Variants in PRRC2C observed in about 807,000 individuals in gnomAD.
PRRC2C encodes the protein protein PRRC2C.
In PRRC2C, 72 loss-of-function variants were observed where a neutral mutation model predicts 317.2. The ratio of observed to expected loss-of-function variants is 0.23; its 90% CI spans 0.19 to 0.28. The LOEUF (loss-of-function observed/expected upper bound fraction) is 0.28. Among genes scored for constraint, PRRC2C ranks in the 10% least tolerant of loss-of-function variants. PRRC2C has a pLI of 1.00. For missense variants in PRRC2C, 3,074 were observed against 3,459.7 expected (o/e 0.89, Z 2.80); for synonymous variants, 1,296 against 1,205.9 (o/e 1.07, Z -1.55).
intron 10 of PRRC2C, 86 bp downstream of exon 10, chr1:171,525,051 C>A: frequency 8.8e-7 from 1 of 1,131,516 alleles, no homozygotes; most frequent in African/African-American, 1.6e-5. Flanking sequence ...TTATTCTTAC[C>A]ACAGAGTGGA....
chr1:171,522,491 C>CGG (rs1348313818), intron 7 of PRRC2C: 1 of 256,692 alleles, frequency 3.9e-6, no homozygotes, highest in Non-Finnish European at 7.3e-6. Context: ...AAAACCAGGC[C>CGG]GGGGACGGTG....
At chr1:171,553,269 GTGA>G (rs1557986787) in intron 18 of PRRC2C, among the ~76,000 whole-genome samples, 13,310 of 151,680 alleles carry the variant, frequency 0.088, 1,888 homozygotes, top group African/African-American at 0.3. Flanking sequence ...GTAGTATTCT[GTGA>G]TGGTAGTTTG....
At position 171,541,822 on chromosome 1, in the gene PRRC2C, T is replaced by C; in HGVS notation, c.4356T>C (p.Asn1452=). The C allele has an allele frequency of 1.2e-6, 2 of 1,613,610 alleles. No individual in the cohort carries two copies. The highest frequency in any genetic ancestry group is 2.2e-5 in the East Asian group (1 of 44,880). The change falls in exon 16 of 35, where the codon AAT becomes AAC. Residue 1452 remains asparagine, a synonymous_variant. Transcript: ENST00000647382. The surrounding 1 kb of genome is among the most constrained non-coding windows in gnomAD (Gnocchi z 4.1). ...AGAGGGAGGCTGCTTCAAAATCAAA[T>C]GAGGTGGTAGCAGTGCCCACAAATG... ...LREREAASKS[N]EVVAVPTNGT...
At chr1:171,558,895 T>G (rs919588139) in intron 19 of PRRC2C, among the ~76,000 whole-genome samples, 1 of 152,216 alleles carries the variant, frequency 6.6e-6, no homozygotes, top group Non-Finnish European at 1.5e-5. Context: ...AAAAGTTAAG[T>G]GCTACTTCAG....
Position 171,541,787 on chromosome 1 carries a change from C to A in PRRC2C, c.4321C>A (p.Arg1441=). The change falls in exon 16 of 35, where the codon CGG becomes AGG. Residue 1441 remains arginine, a synonymous_variant. Coordinates refer to ENST00000647382, the MANE Select transcript of PRRC2C (RefSeq NM_001387844.1). This position sits in a 1 kb window ranked among gnomAD's most constrained non-coding sequence, Gnocchi z 4.1. ...GCAAGACAAGCCACCTCGATTTAGACGGCTAAGAGAGAGGGAGGCTGCTTC... is the reference window on the plus strand; with the variant it reads ...GCAAGACAAGCCACCTCGATTTAGAAGGCTAAGAGAGAGGGAGGCTGCTTC... The part of the protein sequence containing the change: ...PRQDKPPRFR[R]LREREAASKS... The A allele has an allele frequency of 6.2e-7, 1 of 1,613,936 alleles. No homozygotes were observed. Among genetic ancestry groups the A allele is most frequent in the African/African-American group, 1.3e-5 (1 of 75,048 alleles).
rs1183859810 is a variant in PRRC2C at position 171,532,583 on chromosome 1, AAAC to A, written c.1499_1501del (p.Gln500del). 6.4e-7 allele frequency: 1 copy of A among 1,563,198 alleles called. No homozygotes were observed. ...GGATGAGAAGCTTGGCATCCTGGAA[AAAC>A]AACCATCTCCAGAGGAAATTAGGGA... On this transcript the variant is annotated inframe_deletion, in exon 12 of 35. Coordinates refer to ENST00000647382, the MANE Select transcript of PRRC2C (RefSeq NM_001387844.1).
In PRRC2C at chr1:171,527,796, T is replaced by C; in HGVS notation, c.1206T>C (p.Arg402=). The change falls in exon 11 of 35, where the codon CGT becomes CGC. Residue 402 remains arginine, a synonymous_variant. Transcript: ENST00000647382. ...TTCTTTCTTCTTTATAATAGGAACGTGGAACATCTTCACATCTGCCACCAC... is the reference window on the plus strand; with the variant it reads ...TTCTTTCTTCTTTATAATAGGAACGCGGAACATCTTCACATCTGCCACCAC... ...YGKGPSFNQE[R]GTSSHLPPPP... is the part of the protein sequence containing the mutation. 15 of 1,576,048 alleles carry C rather than the reference T, an allele frequency of 9.5e-6. No homozygotes were observed. Among genetic ancestry groups the C allele is most frequent in the Non-Finnish European group, 1.3e-5 (15 of 1,158,896 alleles).
chr1:171,578,797 T>C (rs965746863), intron 26 of PRRC2C, among the ~76,000 whole-genome samples: 2 of 151,530 alleles, frequency 1.3e-5, no homozygotes, highest in Admixed American at 6.6e-5. Context: ...GAGGTGGAGG[T>C]TGCAGTGAGC....
intron 18 of PRRC2C, among the ~76,000 whole-genome samples, chr1:171,555,299 G>A (rs944413227): frequency 6.6e-6 from 1 of 152,148 alleles, no homozygotes; most frequent in South Asian, 2.1e-4. Context: ...TCGTGCCATG[G>A]TTTTCAGCTC....
At chr1:171,506,506 G>C (rs1182060189) in intron 1 of PRRC2C, among the ~76,000 whole-genome samples, 1 of 151,266 alleles carries the variant, frequency 6.6e-6, no homozygotes, top group Non-Finnish European at 1.5e-5. Flanking sequence ...TACCATTTTG[G>C]CCATTGTTTT....
Position 171,566,593 on chromosome 1 carries a change from T to C in PRRC2C, c.6308T>C (p.Leu2103Pro). Reference protein sequence around the residue: ...PRAGPIKAQKLPDLSPVENKE... With the variant: ...PRAGPIKAQKPPDLSPVENKE... ...TTTATCATAAACATTTGACTTTAGC[T>C]TCCAGATTTGAGTCCAGTAGAAAAC... is the stretch of plus-strand genomic sequence containing the variant. The change falls in exon 22 of 35, where the codon CTT becomes CCT. Residue 2103 changes from leucine to proline, a missense_variant and splice_region_variant. Leu to Pro is a moderately conservative substitution (Grantham distance 98, BLOSUM62 -3). Around this residue, in one of 11 missense-constraint regions of PRRC2C, gnomAD observed 640 missense variants for 676.1 expected, o/e 0.95. Transcript: ENST00000647382. The C allele has an allele frequency of 6.4e-7, 1 of 1,570,126 alleles. No homozygotes were observed. Among genetic ancestry groups the C allele is most frequent in the Non-Finnish European group, 8.6e-7 (1 of 1,160,308 alleles).
intron 1 of PRRC2C, among the ~76,000 whole-genome samples, chr1:171,491,499 A>G (rs1667139297): frequency 6.6e-6 from 1 of 152,200 alleles, no homozygotes; most frequent in African/African-American, 2.4e-5. Flanking sequence ...TATTTTTCCT[A>G]GTTACATAAA....
chr1:171,551,819 G>A (rs1403162343), intron 18 of PRRC2C, among the ~76,000 whole-genome samples: 5 of 152,160 alleles, frequency 3.3e-5, no homozygotes, highest in South Asian at 2.1e-4. Context: ...CCATTGGTCT[G>A]TATCTCTGTT....
chr1:171,507,767 TATTA>T (rs1363592917), intron 1 of PRRC2C, among the ~76,000 whole-genome samples: 5 of 152,230 alleles, frequency 3.3e-5, no homozygotes, highest in African/African-American at 1.2e-4. Context: ...TTGTTAACAA[TATTA>T]ATTCTTCCAA....
At chr1:171,486,533 C>G (rs1666155284) in intron 1 of PRRC2C, among the ~76,000 whole-genome samples, 1 of 152,086 alleles carries the variant, frequency 6.6e-6, no homozygotes, top group South Asian at 2.1e-4. Context: ...AGAGGAGTAC[C>G]TTTAATTTAA....
At position 171,535,605 on chromosome 1, in the gene PRRC2C, T is replaced by A; in HGVS notation, c.2043+8T>A. On this transcript the variant is annotated splice_region_variant and intron_variant, in intron 13 of 34. Coordinates refer to ENST00000647382, the MANE Select transcript of PRRC2C (RefSeq NM_001387844.1). ...CGATTCCAGCGGCAGCAGGTAATGA[T>A]AAAAATATTTTATCATGTATGTGTG... 1 of 1,612,644 alleles carries A rather than the reference T, an allele frequency of 6.2e-7. No individual in the cohort carries two copies. Among genetic ancestry groups the A allele is most frequent in the Admixed American group, 1.7e-5 (1 of 59,838 alleles).
intron 1 of PRRC2C, among the ~76,000 whole-genome samples, chr1:171,508,779 T>C (rs1031677549): frequency 6.6e-6 from 1 of 152,250 alleles, no homozygotes; most frequent in African/African-American, 2.4e-5. Flanking sequence ...TGTTCAAAGC[T>C]TTACTCTTTG....
intron 10 of PRRC2C, 137 bp from the exon 11 acceptor site, chr1:171,527,654 G>C: frequency 1.6e-6 from 1 of 634,830 alleles, no homozygotes; most frequent in Non-Finnish European, 2.7e-6. Context: ...TATTTAGCAG[G>C]CTGAGGCATG....
chr1:171,575,135 C>T lies in PRRC2C; in HGVS notation c.6955+7C>T, dbSNP rs1309274487. The T allele has an allele frequency of 6.2e-7, 1 of 1,606,484 alleles. No individual in the cohort carries two copies. The highest frequency in any genetic ancestry group is 8.5e-7 in the Non-Finnish European group (1 of 1,175,008). ...CCTACAGCATCACTATCAGGTAGAA[C>T]TTTTTCGTTCTGTTTCTTTAAATAT... On this transcript the variant is annotated splice_region_variant and intron_variant, in intron 25 of 34. Coordinates refer to ENST00000647382, the MANE Select transcript of PRRC2C (RefSeq NM_001387844.1).
Sources: allele counts gnomAD v4.1 joint callset (sites outside exome capture counted in the v4.1 genomes callset), GRCh38; gene constraint gnomAD v4.1.1; regional missense constraint gnomAD v4.1.1; non-coding constraint Gnocchi (gnomAD v3.1); transcripts MANE v1.5; gene names NCBI Gene and HGNC (gene_info 2026-07-23, HGNC 2026-07-21).